Variants in ATAD5 observed in about 807,000 individuals in gnomAD.
The protein encoded by ATAD5 is ATPase family AAA domain containing 5.
Under a neutral mutation model 176.9 loss-of-function variants are expected in ATAD5, and 58 were observed. That is an observed-to-expected ratio of 0.33 (90% CI 0.27 to 0.41). ATAD5 has a LOEUF of 0.41. Among genes scored for constraint, ATAD5 ranks in the 10% least tolerant of loss-of-function variants. ATAD5 has a pLI of 1.00. For missense variants in ATAD5, 1,789 were observed against 2,094.1 expected, an observed-to-expected ratio of 0.85 and a Z score of 2.84; for synonymous variants, 640 against 712.6, an observed-to-expected ratio of 0.90 and a Z score of 1.62.
chr17:30,862,145 C>A (rs372926273), intron 10 of ATAD5, among the ~76,000 whole-genome samples: 1 of 134,588 alleles, frequency 7.4e-6, no homozygotes, highest in Admixed American at 8.3e-5. Flanking sequence ...GACCAGCCTG[C>A]CAACATGGCA....
In ATAD5 at chr17:30,893,374, A is replaced by G. The variant is rs1909736272; in HGVS notation, c.4521A>G (p.Leu1507=). The stretch of plus-strand genomic sequence containing the variant: ...TCCAAATGCGGAATGTAGATTTTTT[A>G]TATAGTAATCTTGAGTTTATTCTAC... ...TEFQMRNVDF[L]YSNLEFILPL... Residue 1507 remains leucine (L), a synonymous_variant, in exon 21 of 23, where the codon TTA becomes TTG. Coordinates refer to ENST00000321990, the MANE Select transcript of ATAD5 (RefSeq NM_024857.5). 6.2e-7 allele frequency: 1 copy of G among 1,601,836 alleles called. No homozygotes were observed.
At chr17:30,851,919 A>G (rs1366420691) in intron 6 of ATAD5, among the ~76,000 whole-genome samples, 1 of 152,152 alleles carries the variant, frequency 6.6e-6, no homozygotes, top group African/African-American at 2.4e-5. Context: ...AGATCTTACT[A>G]TTTTGCCCAG....
chr17:30,894,295 TAA>T (rs1305078138), intron 21 of ATAD5, 145 bp downstream of exon 21: 4 of 803,928 alleles, frequency 5.0e-6, no homozygotes, highest in South Asian at 2.2e-5. Context: ...ATGAGATAGC[TAA>T]AGAGACCAGC....
intron 10 of ATAD5, chr17:30,865,059 G>T (rs1907891385): frequency 6.7e-6 from 1 of 148,716 alleles, no homozygotes; most frequent in Non-Finnish European, 1.5e-5. Flanking sequence ...GTGAGTACAT[G>T]TGTCTTTTTG....
intron 6 of ATAD5, among the ~76,000 whole-genome samples, chr17:30,848,879 T>A (rs911691012): frequency 2.0e-5 from 3 of 152,176 alleles, no homozygotes; most frequent in African/African-American, 7.2e-5. Context: ...TTCTTTTCTT[T>A]TTTTGTTTTG....
chr17:30,887,082 T>C, intron 18 of ATAD5, 110 bp from the exon 19 acceptor site: 1 of 787,470 alleles, frequency 1.3e-6, no homozygotes, highest in African/African-American at 1.8e-5. Flanking sequence ...GCATTTAAGA[T>C]AATGTGAATT....
chr17:30,864,347 ATTTATT>A (rs967724244), intron 10 of ATAD5: 7 of 152,060 alleles, frequency 4.6e-5, no homozygotes, highest in African/African-American at 1.7e-4. Context: ...GAAAAAAACT[ATTTATT>A]TTTAATTTTC....
chr17:30,868,264 C>A, intron 11 of ATAD5, 69 bp from the exon 12 acceptor site: 1 of 1,281,860 alleles, frequency 7.8e-7, no homozygotes, highest in Non-Finnish European at 1.0e-6. Context: ...CCCCGATAAT[C>A]ATTTTAACAT....
intron 21 of ATAD5, 73 bp from the exon 22 acceptor site, chr17:30,894,491 A>G (rs1213786206): frequency 4.1e-6 from 6 of 1,452,886 alleles, no homozygotes; most frequent in East Asian, 4.6e-5. Context: ...CAAGGAAACT[A>G]AACTGGTTGT....
intron 6 of ATAD5, among the ~76,000 whole-genome samples, chr17:30,854,441 G>A (rs1002702836): frequency 1.3e-4 from 18 of 134,158 alleles, no homozygotes; most frequent in Middle Eastern, 4.8e-3. Flanking sequence ...GCATGATCTC[G>A]GCTCCCTGTA....
At position 30,875,456 on chromosome 17, in the gene ATAD5, G is replaced by A. The variant is rs746601044; in HGVS notation, c.3608-918G>A. 7.2e-5 allele frequency among the ~76,000 whole-genome samples: 11 copies of A among 152,154 alleles called. No individual in the cohort carries two copies. The East Asian group carries it at 1.9e-3, about 27-fold the overall frequency. ...CACCCTCTTCTTTCTTTAAGCAGGT[G>A]TAGAAAAAAATGAACAGAGGTACTG... On this transcript the variant is annotated intron_variant, in intron 14 of 22. Coordinates refer to ENST00000321990, the MANE Select transcript of ATAD5 (RefSeq NM_024857.5).
At position 30,893,501 on chromosome 17, in the gene ATAD5, A is replaced by C; in HGVS notation, c.4648A>C (p.Lys1550Gln). The change falls in exon 21 of 23, where the codon AAA (lysine) becomes CAA (glutamine). Residue 1550 changes from lysine (K) to glutamine (Q), a missense_variant. Lys to Gln is a moderately conservative substitution (Grantham distance 53). Transcript: ENST00000321990. ...AAAAAGTATGAATTGTCTTGCTAGG[A>C]AACACTCTGAAAGAGAACAGCCATT... The part of the protein sequence containing the change: ...ATKSMNCLAR[K>Q]HSEREQPLKK... 6.2e-7 allele frequency: 1 copy of C among 1,612,824 alleles called. No individual in the cohort carries two copies. The highest frequency in any genetic ancestry group is 8.5e-7 in the Non-Finnish European group (1 of 1,179,648).
rs1316249589 is a variant in ATAD5 at position 30,844,004 on chromosome 17, GA to G, written c.2340del (p.Lys780AsnfsTer13). On this transcript the variant is annotated frameshift_variant, in exon 5 of 23. Coordinates refer to ENST00000321990, the MANE Select transcript of ATAD5 (RefSeq NM_024857.5). LOFTEE classifies it high-confidence loss of function. The stretch of plus-strand genomic sequence containing the variant: ...CTTCAGTGTTTGAATGATGTGCTAG[GA>G]AAAAAACTTAACACATCCACTAAAA... ...KKLQCLNDVL[G>X]KKLNTSTKNV... The G allele has an allele frequency of 1.3e-6, 2 of 1,558,840 alleles. No individual in the cohort carries two copies. The highest frequency in any genetic ancestry group is 1.7e-6 in the Non-Finnish European group (2 of 1,156,048).
intron 18 of ATAD5, among the ~76,000 whole-genome samples, chr17:30,885,322 A>G (rs1437528358): frequency 6.6e-6 from 1 of 152,230 alleles, no homozygotes; most frequent in Non-Finnish European, 1.5e-5. Context: ...CTGGGATTAC[A>G]AGCATGAGCC....
chr17:30,892,526 A>C (rs1567701911), intron 19 of ATAD5, 81 bp from the exon 20 acceptor site: 2 of 1,006,816 alleles, frequency 2.0e-6, no homozygotes, highest in Non-Finnish European at 1.4e-6. Flanking sequence ...GAAGATGTCA[A>C]AGGATCTCAG....
chr17:30,873,889 G>A (rs568006497), intron 14 of ATAD5, among the ~76,000 whole-genome samples: 9 of 152,108 alleles, frequency 5.9e-5, no homozygotes, highest in East Asian at 3.9e-4. Context: ...TCTTTGGGCC[G>A]GGTACAGTGG....
Position 30,840,736 on chromosome 17 carries a change from T to TAGACATCAGACA in ATAD5, c.2197_2208dup (p.Arg733_Thr736dup), listed in dbSNP as rs1426567326. The TAGACATCAGACA allele has an allele frequency of 9.9e-6, 16 of 1,609,254 alleles. No individual in the cohort carries two copies. The highest frequency in any genetic ancestry group is 1.4e-5 in the Non-Finnish European group (16 of 1,178,402). On this transcript the variant is annotated inframe_insertion, in exon 4 of 23. Coordinates refer to ENST00000321990, the MANE Select transcript of ATAD5 (RefSeq NM_024857.5). Reference sequence around the variant, plus strand: ...TAGCGATACCCTTAAGGCGCTCCTCTAGACATCAGACACTTCCTGAAAGGA... The same window carrying TAGACATCAGACA: ...TAGCGATACCCTTAAGGCGCTCCTCTAGACATCAGACAAGACATCAGACACTTCCTGAAAGGA...
chr17:30,832,144 A>C lies in ATAD5; in HGVS notation c.-204A>C, dbSNP rs1460487627. On this transcript the variant is annotated 5_prime_UTR_variant, in exon 1 of 23. Coordinates refer to ENST00000321990, the MANE Select transcript of ATAD5 (RefSeq NM_024857.5). ...GGGATCTCATTGCCCGCGCTTTCTC[A>C]TTGCCTCTTTCCGTGTTCGATTCGG... is the stretch of plus-strand genomic sequence containing the variant. 2 of 402,632 alleles carry C rather than the reference A, an allele frequency of 5.0e-6. No homozygotes were observed. Among genetic ancestry groups the C allele is most frequent in the African/African-American group, 2.1e-5 (1 of 48,158 alleles). 24.9% of individuals were successfully genotyped at this position (402,632 alleles called of 1,614,324 possible).
intron 6 of ATAD5, among the ~76,000 whole-genome samples, chr17:30,845,978 T>A (rs958761760): frequency 4.6e-5 from 7 of 152,230 alleles, no homozygotes; most frequent in African/African-American, 1.7e-4. Flanking sequence ...AACATGGGTT[T>A]AGATTATCTT....
Sources: gnomAD v4.1 joint callset for allele counts (sites outside exome capture counted in the v4.1 genomes callset) on GRCh38, gnomAD v4.1.1 for gene constraint, MANE v1.5 for transcripts, NCBI Gene and HGNC (gene_info 2026-07-23, HGNC 2026-07-21) for gene names.